MBOAT1: variants seen among roughly 807,000 people sequenced by gnomAD.
MBOAT1 encodes membrane bound glycerophospholipid O-acyltransferase 1.
MBOAT1 carries 67 observed loss-of-function variants against 64.4 expected under a neutral mutation model. The ratio of observed to expected loss-of-function variants is 1.04; its 90% CI spans 0.85 to 1.27. The LOEUF is 1.27. MBOAT1 is among the 50% of genes most tolerant of loss of function. MBOAT1 has a pLI of 0.00. For synonymous variants in MBOAT1, 229 were observed against 218.9 expected, an observed-to-expected ratio of 1.05 and a Z score of -0.41; for missense variants, 563 against 604.6, an observed-to-expected ratio of 0.93 and a Z score of 0.72.
intron 8 of MBOAT1, among the ~76,000 whole-genome samples, chr6:20,119,824 A>G (rs772124172): frequency 6.6e-6 from 1 of 152,194 alleles, no homozygotes; most frequent in Non-Finnish European, 1.5e-5. Flanking sequence ...GAGATCAATG[A>G]CACTAAGGGC....
chr6:20,141,214 T>C (rs1761160199), intron 4 of MBOAT1, among the ~76,000 whole-genome samples: 1 of 152,136 alleles, frequency 6.6e-6, no homozygotes, highest in South Asian at 2.1e-4. Flanking sequence ...AGGCAGGAAC[T>C]AACCCAGCAT....
chr6:20,110,958 C>T (rs1467282723), intron 11 of MBOAT1, among the ~76,000 whole-genome samples: 1 of 152,176 alleles, frequency 6.6e-6, no homozygotes, highest in Non-Finnish European at 1.5e-5. Flanking sequence ...ACTACTAATA[C>T]AAGCAGCTAC....
At chr6:20,130,196 T>C (rs1760776497) in intron 5 of MBOAT1, among the ~76,000 whole-genome samples, 1 of 152,234 alleles carries the variant, frequency 6.6e-6, no homozygotes, top group Admixed American at 6.5e-5. Flanking sequence ...AAGCCCATAT[T>C]GAAATCTTCC....
At chr6:20,211,526 G>A (rs1465135405) in intron 1 of MBOAT1, among the ~76,000 whole-genome samples, 1 of 152,018 alleles carries the variant, frequency 6.6e-6, no homozygotes, top group African/African-American at 2.4e-5. Context: ...TAACTTCACT[G>A]GGGCCCCTCT....
intron 1 of MBOAT1, among the ~76,000 whole-genome samples, chr6:20,181,669 C>T (rs928092469): frequency 3.3e-5 from 5 of 152,326 alleles, no homozygotes; most frequent in African/African-American, 4.8e-5. Flanking sequence ...ACACATAAGG[C>T]GGCCTCGGTG....
At chr6:20,200,395 A>C (rs1763086692) in intron 1 of MBOAT1, among the ~76,000 whole-genome samples, 2 of 152,234 alleles carry the variant, frequency 1.3e-5, no homozygotes, top group African/African-American at 4.8e-5. Flanking sequence ...ACCCTTCTGC[A>C]CTAAGGTTGA....
intron 1 of MBOAT1, among the ~76,000 whole-genome samples, chr6:20,204,402 T>C (rs747184727): frequency 6.6e-6 from 1 of 152,214 alleles, no homozygotes; most frequent in African/African-American, 2.4e-5. Context: ...CCCACTAGCA[T>C]ACAGCGCTCA....
At chr6:20,209,864 T>C (rs753558286) in intron 1 of MBOAT1, among the ~76,000 whole-genome samples, 3 of 152,136 alleles carry the variant, frequency 2.0e-5, no homozygotes, top group Non-Finnish European at 4.4e-5. Context: ...ATGGAAGGGC[T>C]ACAAGGTAGG....
intron 11 of MBOAT1, among the ~76,000 whole-genome samples, chr6:20,111,868 A>G (rs1760171950): frequency 7.2e-6 from 1 of 138,846 alleles, no homozygotes; most frequent in African/African-American, 2.8e-5. Flanking sequence ...ACATATATAT[A>G]CATATATATA....
In MBOAT1 at chr6:20,192,862, T is replaced by C. The variant is rs533186906; in HGVS notation, c.99+19274A>G. 7.2e-5 allele frequency among the ~76,000 whole-genome samples: 11 copies of C among 152,228 alleles called. No individual in the cohort carries two copies. The South Asian group carries it at 1.5e-3, about 20-fold the overall frequency. ...CCTAGATCCCAGCTCTTCCTAGTCC[T>C]ATGCCAGTGTTTTCCCCATTACCAT... is the stretch of plus-strand genomic sequence containing the variant. On this transcript the variant is annotated intron_variant, in intron 1 of 12. Coordinates refer to ENST00000324607, the MANE Select transcript of MBOAT1 (RefSeq NM_001080480.3).
chr6:20,127,085 T>C (rs1315419980), intron 6 of MBOAT1, among the ~76,000 whole-genome samples: 4 of 152,156 alleles, frequency 2.6e-5, no homozygotes, highest in Non-Finnish European at 5.9e-5. Flanking sequence ...ATCGAGATGC[T>C]TCCAAATGGG....
chr6:20,175,516 G>T (rs1487842466), intron 1 of MBOAT1, among the ~76,000 whole-genome samples: 1 of 151,906 alleles, frequency 6.6e-6, no homozygotes, highest in African/African-American at 2.4e-5. Context: ...GCACAATCTC[G>T]GCTCACTGCA....
At chr6:20,177,738 T>C (rs932820630) in intron 1 of MBOAT1, among the ~76,000 whole-genome samples, 11 of 142,546 alleles carry the variant, frequency 7.7e-5, no homozygotes, top group South Asian at 2.2e-4. Flanking sequence ...CGTGCCACTG[T>C]GCTCCAGCCT....
chr6:20,194,307 T>G lies in MBOAT1; in HGVS notation c.99+17829A>C, dbSNP rs9465651. ...TGCACCGATGGTGATATATTAACTT[T>G]ATTCAGATTTCCTTAGTTTTTACCT... On this transcript the variant is annotated intron_variant, in intron 1 of 12. Transcript: ENST00000324607. Among the ~76,000 whole-genome samples the G allele has an allele frequency of 9.9e-3, 1,503 of 152,374 alleles. 19 individuals are homozygous for G. The highest frequency in any genetic ancestry group is 0.033 in the African/African-American group (1,371 of 41,596).
chr6:20,137,576 C>G (rs1280637929), intron 4 of MBOAT1, among the ~76,000 whole-genome samples: 2 of 152,142 alleles, frequency 1.3e-5, no homozygotes, highest in Non-Finnish European at 2.9e-5. Context: ...ATTAGCAGCA[C>G]CAATAAAAGT....
intron 1 of MBOAT1, among the ~76,000 whole-genome samples, chr6:20,201,462 T>C (rs1036004074): frequency 2.6e-5 from 4 of 152,046 alleles, no homozygotes; most frequent in Admixed American, 6.6e-5. Context: ...AACTAAACCA[T>C]GGAAATCTGG....
chr6:20,102,225 C>T lies in MBOAT1; in HGVS notation c.*61G>A. Reference sequence around the variant, plus strand: ...TAAGCCACCGGAGGAGCCCTTGAAGCCTTGTCATCTCATCTTTCGAACGTT... The same window carrying T: ...TAAGCCACCGGAGGAGCCCTTGAAGTCTTGTCATCTCATCTTTCGAACGTT... On this transcript the variant is annotated 3_prime_UTR_variant, in exon 13 of 13. Coordinates refer to ENST00000324607, the MANE Select transcript of MBOAT1 (RefSeq NM_001080480.3). The T allele has an allele frequency of 6.4e-7, 1 of 1,569,608 alleles. No homozygotes were observed. The highest frequency in any genetic ancestry group is 2.3e-5 in the East Asian group (1 of 43,398).
chr6:20,135,810 G>C (rs532876848), intron 4 of MBOAT1, among the ~76,000 whole-genome samples: 1 of 152,170 alleles, frequency 6.6e-6, no homozygotes. Context: ...TAGAAAAGCA[G>C]GAAGTCAGGC....
At chr6:20,140,296 A>G (rs1237316544) in intron 4 of MBOAT1, among the ~76,000 whole-genome samples, 1 of 152,216 alleles carries the variant, frequency 6.6e-6, no homozygotes, top group African/African-American at 2.4e-5. Flanking sequence ...TAGAGAAACT[A>G]TTATCTCTCC....
Sources: allele counts gnomAD v4.1 joint callset (sites outside exome capture counted in the v4.1 genomes callset), GRCh38; gene constraint gnomAD v4.1.1; transcripts MANE v1.5; gene names NCBI Gene and HGNC (gene_info 2026-07-23, HGNC 2026-07-21).